Variants in PRKCZ observed in about 807,000 individuals in gnomAD.
The protein encoded by PRKCZ is protein kinase C zeta, also known as protein kinase C zeta type.
In PRKCZ, 33 loss-of-function variants were observed where a neutral mutation model predicts 79.5. That is an observed-to-expected ratio of 0.41 (90% CI 0.31 to 0.55). The LOEUF is 0.55. Ranked by LOEUF, PRKCZ falls within the 20% of genes least tolerant of loss-of-function variation. PRKCZ has a pLI of 0.19. For missense variants in PRKCZ, 578 were observed against 813.5 expected, an observed-to-expected ratio of 0.71 and a Z score of 3.52; for synonymous variants, 342 against 320.9, an observed-to-expected ratio of 1.07 and a Z score of -0.70.
rs1017939667 is a variant in PRKCZ, at chr1:2,175,746, G to A, written c.1575+433G>A. ...ATGGGGGACCACCCTCCAGGGCCCC[G>A]AGGAGGGATGGGGAGACACATTTCG... On this transcript the variant is annotated intron_variant, in intron 16 of 17. Coordinates refer to ENST00000378567, the MANE Select transcript of PRKCZ (RefSeq NM_002744.6). 5.3e-5 allele frequency among the ~76,000 whole-genome samples: 8 copies of A among 152,192 alleles called. No homozygotes were observed. In the South Asian group the frequency reaches 6.2e-4, roughly 12 times the overall value.
chr1:2,130,547 T>G (rs1674759581), intron 4 of PRKCZ, among the ~76,000 whole-genome samples: 1 of 152,134 alleles, frequency 6.6e-6, no homozygotes, highest in Non-Finnish European at 1.5e-5. Context: ...AAAGATCTAT[T>G]GTAAGGAACT....
intron 4 of PRKCZ, among the ~76,000 whole-genome samples, chr1:2,079,819 C>G (rs1318780312): frequency 6.6e-6 from 1 of 152,152 alleles, no homozygotes; most frequent in Non-Finnish European, 1.5e-5. Context: ...CCGCATTTGT[C>G]TGCCCACATT....
rs1666193008 is a variant in PRKCZ at position 2,094,916 on chromosome 1, C to T, written c.334+35325C>T. Among the ~76,000 whole-genome samples the T allele has an allele frequency of 1.3e-5, 2 of 152,196 alleles. No homozygotes were observed. Among genetic ancestry groups the T allele is most frequent in the South Asian group, 4.1e-4 (2 of 4,834 alleles). On this transcript the variant is annotated intron_variant, in intron 4 of 17. Transcript: ENST00000378567. This position sits in a 1 kb window ranked among gnomAD's most constrained non-coding sequence, Gnocchi z 7.3. The stretch of plus-strand genomic sequence containing the variant: ...TCTCTCCTGCCTATAAAAAGCCCTG[C>T]CCTGGGTTCCCTGCTCCATGCCAGT...
intron 10 of PRKCZ, among the ~76,000 whole-genome samples, chr1:2,160,738 G>T (rs1179946760): frequency 6.6e-6 from 1 of 152,162 alleles, no homozygotes; most frequent in Non-Finnish European, 1.5e-5. Context: ...CCATGTGGGG[G>T]AGTCACCCCG....
chr1:2,060,606 G>A (rs1049229848), intron 4 of PRKCZ, among the ~76,000 whole-genome samples: 7 of 152,228 alleles, frequency 4.6e-5, no homozygotes, highest in African/African-American at 1.2e-4. Flanking sequence ...CGGGGAGAGG[G>A]CGGCGTGGCA....
chr1:2,061,887 C>T (rs543832668), intron 4 of PRKCZ, among the ~76,000 whole-genome samples: 5 of 152,290 alleles, frequency 3.3e-5, no homozygotes, highest in East Asian at 1.9e-4. Context: ...TGCCAGTGGC[C>T]GCCGCCTGGG....
Position 2,150,915 on chromosome 1 carries a change from G to C in PRKCZ, c.813G>C (p.Leu271Phe). 1 of 1,614,168 alleles carries C rather than the reference G, an allele frequency of 6.2e-7. No individual in the cohort carries two copies. Among genetic ancestry groups the C allele is most frequent in the Non-Finnish European group, 8.5e-7 (1 of 1,180,040 alleles). Residue 271 changes from leucine (L) to phenylalanine (F), a missense_variant, in exon 9 of 18, where the codon TTG becomes TTC. By Grantham distance (22) the Leu-to-Phe change is conservative (BLOSUM62 0). Around this residue, in one of 4 missense-constraint regions of PRKCZ, gnomAD observed 243 missense variants for 467.0 expected, o/e 0.52. Coordinates refer to ENST00000378567, the MANE Select transcript of PRKCZ (RefSeq NM_002744.6). ...ACGCCAAGGTTCTCCTGGTGCGGTTGAAGAAGAATGACCAAATTTACGCCA... is the reference window on the plus strand; with the variant it reads ...ACGCCAAGGTTCTCCTGGTGCGGTTCAAGAAGAATGACCAAATTTACGCCA... ...GSYAKVLLVR[L>F]KKNDQIYAMK...
At chr1:2,142,587 C>T (rs1277630377) in intron 5 of PRKCZ, 2 of 247,904 alleles carry the variant, frequency 8.1e-6, no homozygotes, top group African/African-American at 2.3e-5. Flanking sequence ...TCTCACCCAT[C>T]CCTCCTTCGA....
intron 4 of PRKCZ, among the ~76,000 whole-genome samples, chr1:2,106,250 A>T (rs1407776400): frequency 6.6e-6 from 1 of 152,260 alleles, no homozygotes; most frequent in African/African-American, 2.4e-5. Context: ...AAACATCAAA[A>T]GGCAGAACTG....
chr1:2,104,594 C>A, intron 4 of PRKCZ: 1 of 768,898 alleles, frequency 1.3e-6, no homozygotes, highest in Non-Finnish European at 1.6e-6. Context: ...TCCCAGGTGG[C>A]AGGGGATGGC....
At chr1:2,063,028 C>T (rs1660830656) in intron 4 of PRKCZ, among the ~76,000 whole-genome samples, 1 of 151,822 alleles carries the variant, frequency 6.6e-6, no homozygotes, top group African/African-American at 2.4e-5. Flanking sequence ...CGCACAGGAT[C>T]TGTCCTTTTG....
chr1:2,147,017 G>T (rs1678688354), intron 7 of PRKCZ, among the ~76,000 whole-genome samples: 2 of 151,698 alleles, frequency 1.3e-5, no homozygotes, highest in Admixed American at 1.3e-4. Flanking sequence ...CAGCCAGCCA[G>T]CCAGCCATCC....
chr1:2,119,404 AG>A (rs1031499002), intron 4 of PRKCZ, among the ~76,000 whole-genome samples: 222 of 152,166 alleles, frequency 1.5e-3, no homozygotes, highest in African/African-American at 4.9e-3. Context: ...TAGTAGAGGC[AG>A]GGTTTCACCA....
intron 4 of PRKCZ, among the ~76,000 whole-genome samples, chr1:2,105,485 C>T (rs1291563363): frequency 1.3e-5 from 2 of 152,206 alleles, no homozygotes; most frequent in African/African-American, 4.8e-5. Flanking sequence ...CTGCAACCTT[C>T]GCCTCCCGGG....
chr1:2,103,774 G>C (rs1667892475), intron 4 of PRKCZ, among the ~76,000 whole-genome samples: 1 of 152,228 alleles, frequency 6.6e-6, no homozygotes, highest in Non-Finnish European at 1.5e-5. Flanking sequence ...AGATGGGAAG[G>C]AAGGGCCTCT....
At chr1:2,129,370 A>G (rs1276863931) in intron 4 of PRKCZ, among the ~76,000 whole-genome samples, 1 of 152,156 alleles carries the variant, frequency 6.6e-6, no homozygotes, top group Admixed American at 6.5e-5. Context: ...CCCAGCCTGC[A>G]CTCAGAACTG....
At chr1:2,154,129 G>T (rs1467672008) in intron 9 of PRKCZ, among the ~76,000 whole-genome samples, 1 of 152,202 alleles carries the variant, frequency 6.6e-6, no homozygotes, top group African/African-American at 2.4e-5. Context: ...GGCCACTGGG[G>T]GACGGGTGGT....
chr1:2,110,964 C>T (rs183142653), intron 4 of PRKCZ, among the ~76,000 whole-genome samples: 146 of 152,202 alleles, frequency 9.6e-4, no homozygotes, highest in African/African-American at 3.3e-3. Flanking sequence ...GCCTTCCCCT[C>T]GGGTGCGAGG....
chr1:2,118,781 C>G (rs1477727208), intron 4 of PRKCZ, among the ~76,000 whole-genome samples: 1 of 130,528 alleles, frequency 7.7e-6, no homozygotes, highest in African/African-American at 2.8e-5. Context: ...GGGAAGGGGA[C>G]TTAGTGTTTA....
Sources: gnomAD v4.1 joint callset for allele counts (sites outside exome capture counted in the v4.1 genomes callset) on GRCh38, gnomAD v4.1.1 for gene constraint, gnomAD v4.1.1 regional missense constraint, Gnocchi (gnomAD v3.1) non-coding constraint, MANE v1.5 for transcripts, NCBI Gene and HGNC (gene_info 2026-07-23, HGNC 2026-07-21) for gene names.